Variants in KLHL1 observed in about 807,000 individuals in gnomAD.
KLHL1 encodes the protein kelch like family member 1.
Under a neutral mutation model 77.7 loss-of-function variants are expected in KLHL1, and 47 were observed. The observed-to-expected ratio is 0.60, with a 90% confidence interval of 0.48 to 0.77. The LOEUF (loss-of-function observed/expected upper bound fraction) is 0.77, where lower values mean the gene tolerates loss of function less well. Ranked by LOEUF, KLHL1 falls within the 30% of genes least tolerant of loss-of-function variation. The pLI is 0.00. For missense variants in KLHL1, 925 were observed against 910.8 expected (o/e 1.02, Z -0.20); for synonymous variants, 360 against 325.2 (o/e 1.11, Z -1.15).
chr13:69,717,987 T>C (rs1474128979), intron 9 of KLHL1, among the ~76,000 whole-genome samples: 2 of 152,150 alleles, frequency 1.3e-5, no homozygotes, highest in East Asian at 3.8e-4. Flanking sequence ...ACATTGTTTC[T>C]GTGTTTTATC....
At chr13:69,934,732 CT>C (rs139654012) in intron 4 of KLHL1, among the ~76,000 whole-genome samples, 5,975 of 151,798 alleles carry the variant, frequency 0.039, 254 homozygotes, top group African/African-American at 0.1. Context: ...TCCCATCTAC[CT>C]TGAATTTCAT....
intron 1 of KLHL1, among the ~76,000 whole-genome samples, chr13:70,004,761 G>T (rs1997616): frequency 6.6e-6 from 1 of 151,580 alleles, no homozygotes; most frequent in South Asian, 2.1e-4. Context: ...TTTATTATAT[G>T]AAATTGAATG....
intron 3 of KLHL1, among the ~76,000 whole-genome samples, chr13:69,944,577 G>A (rs1205890920): frequency 6.6e-6 from 1 of 152,108 alleles, no homozygotes; most frequent in Non-Finnish European, 1.5e-5. Context: ...AGATGGTAGG[G>A]GAATGTAGAG....
intron 3 of KLHL1, among the ~76,000 whole-genome samples, chr13:69,945,653 A>G (rs1372097279): frequency 2.0e-5 from 3 of 152,198 alleles, no homozygotes; most frequent in Non-Finnish European, 2.9e-5. Flanking sequence ...ATATATGAAC[A>G]AAAAATGCTC....
At chr13:69,726,103 A>G (rs186010957) in intron 8 of KLHL1, among the ~76,000 whole-genome samples, 8 of 152,288 alleles carry the variant, frequency 5.3e-5, no homozygotes, top group African/African-American at 1.9e-4. Context: ...TACTTTACCA[A>G]TAAAGGATAT....
intron 6 of KLHL1, among the ~76,000 whole-genome samples, chr13:69,838,166 T>A (rs7335378): frequency 0.081 from 12,257 of 151,742 alleles, 936 homozygotes; most frequent in African/African-American, 0.2. Context: ...GAAATAAGTT[T>A]TTTTTTTGTT....
At chr13:70,074,084 C>T (rs911397572) in intron 1 of KLHL1, among the ~76,000 whole-genome samples, 19 of 152,062 alleles carry the variant, frequency 1.2e-4, no homozygotes, top group African/African-American at 4.6e-4. Context: ...ACCTCGGCCT[C>T]CCAAAGTGCT....
intron 4 of KLHL1, among the ~76,000 whole-genome samples, chr13:69,935,933 T>C (rs1397232995): frequency 6.6e-6 from 1 of 152,084 alleles, no homozygotes; most frequent in Non-Finnish European, 1.5e-5. Context: ...TCTTCTCTTG[T>C]CATAAAGAAA....
chr13:69,918,887 A>G (rs533403807), intron 4 of KLHL1, among the ~76,000 whole-genome samples: 3 of 152,228 alleles, frequency 2.0e-5, no homozygotes, highest in Non-Finnish European at 2.9e-5. Context: ...GTAATTCTCA[A>G]TTAGAGCTTC....
chr13:69,780,579 GC>G lies in KLHL1; in HGVS notation c.1639+16158del, dbSNP rs1394960724. On this transcript the variant is annotated intron_variant, in intron 7 of 10. Coordinates refer to ENST00000377844, the MANE Select transcript of KLHL1 (RefSeq NM_020866.3). ...CAAATATATACAAGGATTGTATTAT[GC>G]TGATTTTTTTTCAGTCTGTCTATTC... Among the ~76,000 whole-genome samples, 8 of 145,810 alleles carry G rather than the reference GC, an allele frequency of 5.5e-5. No individual in the cohort carries two copies. The East Asian group carries it at 8.7e-4, about 16-fold the overall frequency.
At chr13:69,841,137 TA>T (rs1198661266) in intron 5 of KLHL1, among the ~76,000 whole-genome samples, 1 of 150,532 alleles carries the variant, frequency 6.6e-6, no homozygotes, top group Non-Finnish European at 1.5e-5. Context: ...GCATTACAAA[TA>T]AAAAATAAAA....
At chr13:70,036,835 C>CTTTTTTTTTTTTTTTTTTTTTTT (rs5804467) in intron 1 of KLHL1, among the ~76,000 whole-genome samples, 2 of 50,682 alleles carry the variant, frequency 3.9e-5, no homozygotes, top group Admixed American at 2.6e-4. Context: ...ATGCCATGGT[C>CTTTTTTTTTTTTTTTTTTTTTTT]TTTTTTTTTT....
chr13:69,769,495 C>G (rs944937776), intron 7 of KLHL1, among the ~76,000 whole-genome samples: 1 of 152,114 alleles, frequency 6.6e-6, no homozygotes, highest in Non-Finnish European at 1.5e-5. Context: ...CAGCCAGAAG[C>G]CTGAAAACTG....
intron 1 of KLHL1, among the ~76,000 whole-genome samples, chr13:70,058,355 A>T (rs934802358): frequency 1.3e-5 from 2 of 152,236 alleles, no homozygotes; most frequent in Admixed American, 1.3e-4. Context: ...AAAAAAAGCT[A>T]TTATAATTGA....
At chr13:69,954,693 C>T (rs2137259511) in intron 3 of KLHL1, among the ~76,000 whole-genome samples, 1 of 151,286 alleles carries the variant, frequency 6.6e-6, no homozygotes, top group Middle Eastern at 3.4e-3. Flanking sequence ...TGTTCAATAA[C>T]AACAACAAAA....
chr13:70,069,864 A>C (rs1887098914), intron 1 of KLHL1, among the ~76,000 whole-genome samples: 1 of 152,090 alleles, frequency 6.6e-6, no homozygotes, highest in Non-Finnish European at 1.5e-5. Context: ...ACAAGGAGAA[A>C]AATGAGAGAA....
chr13:70,084,464 CTT>C (rs1266369112), intron 1 of KLHL1, among the ~76,000 whole-genome samples: 2 of 129,032 alleles, frequency 1.6e-5, no homozygotes, highest in Non-Finnish European at 3.1e-5. Context: ...TCTTCTTCTT[CTT>C]TTTTTTTTTT....
intron 1 of KLHL1, among the ~76,000 whole-genome samples, chr13:69,991,287 C>T (rs1376681694): frequency 6.6e-6 from 1 of 151,680 alleles, no homozygotes; most frequent in African/African-American, 2.4e-5. Flanking sequence ...TAGCAGAAGA[C>T]AAGAAACAAC....
intron 7 of KLHL1, among the ~76,000 whole-genome samples, chr13:69,781,291 T>C (rs1490341595): frequency 3.1e-5 from 4 of 127,404 alleles, no homozygotes; most frequent in African/African-American, 8.0e-5. Context: ...CTTTCTTTTT[T>C]TTTTTTTTTT....
Sources: allele counts gnomAD v4.1 joint callset (sites outside exome capture counted in the v4.1 genomes callset), GRCh38; gene constraint gnomAD v4.1.1; transcripts MANE v1.5; gene names NCBI Gene and HGNC (gene_info 2026-07-23, HGNC 2026-07-21).